MOV10L1: variants seen among roughly 807,000 people sequenced by gnomAD.
The protein encoded by MOV10L1 is RNA helicase Mov10l1.
In MOV10L1, 110 loss-of-function variants were observed where a neutral mutation model predicts 143.8. The ratio of observed to expected loss-of-function variants is 0.76; its 90% CI spans 0.66 to 0.90. The LOEUF is 0.90. Ranked by LOEUF, MOV10L1 falls within the 40% of genes least tolerant of loss-of-function variation. MOV10L1 has a pLI of 0.00. For missense variants in MOV10L1, 1,406 were observed against 1,526.8 expected, an observed-to-expected ratio of 0.92 and a Z score of 1.32; for synonymous variants, 593 against 581.1, an observed-to-expected ratio of 1.02 and a Z score of -0.29.
At position 50,128,461 on chromosome 22, in the gene MOV10L1, C is replaced by G. The variant is rs199665708; in HGVS notation, c.1864C>G (p.Gln622Glu). ...TCTTAAAATTAATCCAGAATTTGAA[C>G]AAGCCTATAACTTTGAACCTATGGA... is the stretch of plus-strand genomic sequence containing the variant. Reference protein sequence around the residue: ...VTLKINPEFEQAYNFEPMDVE... With the variant: ...VTLKINPEFEEAYNFEPMDVE... Residue 622 changes from glutamine to glutamate, a missense_variant, in exon 13 of 27, where the codon CAA becomes GAA. By Grantham distance (29) the Gln-to-Glu change is conservative. Coordinates refer to ENST00000262794, the MANE Select transcript of MOV10L1 (RefSeq NM_018995.3). The G allele has an allele frequency of 2.6e-6, 4 of 1,531,286 alleles. No individual in the cohort carries two copies. The highest frequency in any genetic ancestry group is 1.7e-5 in the Admixed American group (1 of 57,230). 94.9% of individuals were successfully genotyped at this position (1,531,286 alleles called of 1,614,324 possible).
intron 12 of MOV10L1, among the ~76,000 whole-genome samples, chr22:50,128,082 T>C (rs1369863475): frequency 6.6e-6 from 1 of 152,186 alleles, no homozygotes; most frequent in Non-Finnish European, 1.5e-5. Context: ...GACCTTCTTA[T>C]CGAGGCTTCC....
intron 3 of MOV10L1, among the ~76,000 whole-genome samples, chr22:50,100,503 T>TTTTCTTTC (rs910816356): frequency 1.3e-5 from 2 of 151,948 alleles, no homozygotes; most frequent in Non-Finnish European, 2.9e-5. Flanking sequence ...TATATATCCT[T>TTTTCTTTC]TTTCTTTCTT....
Position 50,110,544 on chromosome 22 carries a change from A to G in MOV10L1, c.743+1700A>G, listed in dbSNP as rs529812933. Among the ~76,000 whole-genome samples, 6 of 151,734 alleles carry G rather than the reference A, an allele frequency of 4.0e-5. No homozygotes were observed. In the South Asian group the frequency reaches 8.3e-4, roughly 21 times the overall value. The stretch of plus-strand genomic sequence containing the variant: ...GGTCGCTCTTCATCCTTCATCTTAC[A>G]TTGGTGATTGCTGTTTTGGGTGGAT... On this transcript the variant is annotated intron_variant, in intron 5 of 26. Transcript: ENST00000262794.
chr22:50,122,285 T>C (rs1037785404), intron 10 of MOV10L1, among the ~76,000 whole-genome samples: 1 of 152,248 alleles, frequency 6.6e-6, no homozygotes, highest in Non-Finnish European at 1.5e-5. Context: ...GTTAAATTAA[T>C]TTGTAAGTAT....
intron 5 of MOV10L1, among the ~76,000 whole-genome samples, chr22:50,111,022 G>C (rs2062009780): frequency 6.6e-6 from 1 of 152,088 alleles, no homozygotes; most frequent in African/African-American, 2.4e-5. Flanking sequence ...CCTACTTGTG[G>C]GGCAGCCCCA....
chr22:50,112,839 C>G (rs561202010), intron 5 of MOV10L1, among the ~76,000 whole-genome samples: 1 of 152,246 alleles, frequency 6.6e-6, no homozygotes. Context: ...TCTGCAAAAT[C>G]CCCACCCCGT....
Position 50,108,105 on chromosome 22 carries a change from A to G in MOV10L1, c.443-31A>G, listed in dbSNP as rs935061497. The G allele has an allele frequency of 5.6e-6, 9 of 1,597,952 alleles. No individual in the cohort carries two copies. The African/African-American group carries it at 1.2e-4, about 21-fold the overall frequency. On this transcript the variant is annotated intron_variant, in intron 3 of 26. Transcript: ENST00000262794. ...CTCAGAATAACTTGTGCACTTTAAC[A>G]CTACCATGGCTTTTTTCCTGGCGGT...
At chr22:50,115,496 T>C (rs1676063999) in intron 8 of MOV10L1, among the ~76,000 whole-genome samples, 1 of 152,112 alleles carries the variant, frequency 6.6e-6, no homozygotes, top group African/African-American at 2.4e-5. Flanking sequence ...GAGGGTGCAG[T>C]GAGCCAAGAT....
At position 50,160,824 on chromosome 22, in the gene MOV10L1, G is replaced by A. The variant is rs149143559; in HGVS notation, c.3461G>A (p.Arg1154Gln). 3.7e-4 allele frequency: 599 copies of A among 1,613,952 alleles called. No individual in the cohort carries two copies. Among genetic ancestry groups the A allele is most frequent in the Non-Finnish European group, 4.9e-4 (580 of 1,179,928 alleles). The change falls in exon 25 of 27, where the codon CGA (arginine) becomes CAA (glutamine). Residue 1154 changes from arginine (R) to glutamine (Q), a missense_variant and splice_region_variant. This residue lies in a region of MOV10L1 where 1,233 missense variants were observed against 1,351.4 expected (regional missense o/e 0.91). Coordinates refer to ENST00000262794, the MANE Select transcript of MOV10L1 (RefSeq NM_018995.3). The stretch of plus-strand genomic sequence containing the variant: ...CTGGGAAACCCCCATGTTCTCGTTC[G>A]AGTGAGTTTTCAGGCACTGGGTGGG... ...IVLGNPHVLV[R>Q]DPCFGALLEY...
chr22:50,145,070 G>A (rs2063111382), intron 18 of MOV10L1, among the ~76,000 whole-genome samples: 2 of 152,050 alleles, frequency 1.3e-5, no homozygotes, highest in African/African-American at 2.4e-5. Context: ...AGCCTCCTAA[G>A]TACCTAGGAT....
rs773446136 is a variant in MOV10L1, at chr22:50,158,227, C to T, written c.3216+21C>T. 16 of 1,613,734 alleles carry T rather than the reference C, an allele frequency of 9.9e-6. No individual in the cohort carries two copies. In the East Asian group the frequency reaches 3.3e-4, roughly 34 times the overall value. On this transcript the variant is annotated intron_variant, in intron 23 of 26. Coordinates refer to ENST00000262794, the MANE Select transcript of MOV10L1 (RefSeq NM_018995.3). The surrounding 1 kb of genome is among the most constrained non-coding windows in gnomAD (Gnocchi z 5.0). ...AGCAGGTACGCCCTGCCCAGGCACG[C>T]CTGGTTCTGTGAGGTCCCTGCAGCC...
chr22:50,120,445 T>C, intron 9 of MOV10L1, 57 bp from the exon 10 acceptor site: 1 of 1,094,328 alleles, frequency 9.1e-7, no homozygotes, highest in South Asian at 1.4e-5. Context: ...GGTAAGAATG[T>C]CTAGTGATAC....
At position 50,100,790 on chromosome 22, in the gene MOV10L1, C is replaced by G. The variant is rs984905315; in HGVS notation, c.442+1188C>G. Among the ~76,000 whole-genome samples, 50 of 152,248 alleles carry G rather than the reference C, an allele frequency of 3.3e-4. 1 individual carries two copies. The highest frequency in any genetic ancestry group is 3.1e-4 in the Non-Finnish European group (21 of 68,050). ...AAAGTGCTGGGATTACAGGCGTGAG[C>G]CACCACTCCCGGCTTTATATATCCA... On this transcript the variant is annotated intron_variant, in intron 3 of 26. Transcript: ENST00000262794.
chr22:50,125,634 A>G (rs2062477837), intron 11 of MOV10L1, 65 bp downstream of exon 11: 6 of 1,479,174 alleles, frequency 4.1e-6, no homozygotes, highest in Admixed American at 4.1e-5. Context: ...GAGAGAAGAT[A>G]CTCTTTAACT....
chr22:50,137,514 G>A (rs749713019), intron 15 of MOV10L1, among the ~76,000 whole-genome samples: 7 of 151,588 alleles, frequency 4.6e-5, no homozygotes, highest in South Asian at 4.2e-4. Context: ...GCACTCCAGC[G>A]TGGGCAATAG....
At chr22:50,108,005 C>T (rs2061919387) in intron 3 of MOV10L1, 131 bp from the exon 4 acceptor site, 5 of 731,882 alleles carry the variant, frequency 6.8e-6, no homozygotes, top group South Asian at 3.6e-5. Context: ...ATGTTTCTCA[C>T]AGTAGTAGAA....
intron 15 of MOV10L1, among the ~76,000 whole-genome samples, chr22:50,138,945 G>A (rs113439087): frequency 0.041 from 6,218 of 151,434 alleles, 214 homozygotes; most frequent in African/African-American, 0.084. Context: ...CTCATGATCC[G>A]CCCACCTCAG....
At chr22:50,146,998 C>G (rs952156908) in intron 19 of MOV10L1, 2 of 1,498,674 alleles carry the variant, frequency 1.3e-6, no homozygotes, top group Non-Finnish European at 1.8e-6. Context: ...TTGGACAGCA[C>G]GGATCTGAAC....
In MOV10L1 at chr22:50,153,153, A is replaced by G; in HGVS notation, c.3001A>G (p.Thr1001Ala). ...GGTCTGTGCGGACCCCACAGTGGTG[A>G]CCTCCTTGCTGGGCTGGGAGAAGTT... ...LEVCADPTVV[T>A]SLLGWEKLPK... is the part of the protein sequence containing the mutation. The change falls in exon 22 of 27, where the codon ACC becomes GCC. Residue 1001 changes from threonine to alanine, a missense_variant. Thr to Ala is a moderately conservative substitution (Grantham distance 58). Transcript: ENST00000262794. The G allele has an allele frequency of 6.2e-7, 1 of 1,613,914 alleles. No individual in the cohort carries two copies. The highest frequency in any genetic ancestry group is 8.5e-7 in the Non-Finnish European group (1 of 1,179,884).
Sources: gnomAD v4.1 joint callset for allele counts (sites outside exome capture counted in the v4.1 genomes callset) on GRCh38, gnomAD v4.1.1 for gene constraint, gnomAD v4.1.1 regional missense constraint, Gnocchi (gnomAD v3.1) non-coding constraint, MANE v1.5 for transcripts, NCBI Gene and HGNC (gene_info 2026-07-23, HGNC 2026-07-21) for gene names.